CNTN3: variants seen among roughly 807,000 people sequenced by gnomAD.
CNTN3 encodes the protein contactin-3.
CNTN3 carries 60 observed loss-of-function variants against 119.1 expected under a neutral mutation model. The ratio of observed to expected loss-of-function variants is 0.50; its 90% CI spans 0.41 to 0.62. The LOEUF is 0.62. Among genes scored for constraint, CNTN3 ranks in the 20% least tolerant of loss-of-function variants. The probability of loss-of-function intolerance (pLI) is 0.00; values close to 1 mark genes in which losing one functional copy is unlikely to be tolerated. For missense variants in CNTN3, 1,101 were observed against 1,242.4 expected (o/e 0.89, Z 1.71); for synonymous variants, 450 against 438.7 (o/e 1.03, Z -0.32).
intron 20 of CNTN3, among the ~76,000 whole-genome samples, chr3:74,276,509 T>A (rs1701882812): frequency 6.6e-6 from 1 of 151,864 alleles, no homozygotes; most frequent in African/African-American, 2.4e-5. Context: ...TGCAAATACA[T>A]GAAAAGTAAC....
intron 5 of CNTN3, among the ~76,000 whole-genome samples, chr3:74,404,408 T>C (rs1439276449): frequency 6.6e-6 from 1 of 152,134 alleles, no homozygotes; most frequent in Non-Finnish European, 1.5e-5. Flanking sequence ...TCTGTTACTC[T>C]GGTTTATCTA....
chr3:74,358,800 C>T (rs1218282057), intron 11 of CNTN3, among the ~76,000 whole-genome samples: 6 of 136,524 alleles, frequency 4.4e-5, no homozygotes, highest in African/African-American at 8.3e-5. Context: ...GTGATATTCC[C>T]CTTTCTGTGT....
rs1461514046 is a variant in CNTN3, at chr3:74,614,453, G to GCCGCCA, written c.-144_-143insTGGCGG. 7.0e-5 allele frequency among the ~76,000 whole-genome samples: 10 copies of GCCGCCA among 142,642 alleles called. No individual in the cohort carries two copies. The highest frequency in any genetic ancestry group is 1.4e-4 in the Non-Finnish European group (9 of 65,358). The allele number at this position is 142,642 out of a possible 152,430, so 93.6% of individuals were successfully genotyped here. A position where few individuals can be genotyped will look rare whatever the true frequency, so the allele number is the denominator to read the frequency against. On this transcript the variant is annotated 5_prime_UTR_variant, in exon 1 of 23. Transcript: ENST00000263665. ...CCCACTCGCCGCCGCCGCCGCCGCCGCCGCCGCCGCCACCGCCGCCGCCGC... is the reference window on the plus strand; with the variant it reads ...CCCACTCGCCGCCGCCGCCGCCGCCGCCGCCACCGCCGCCGCCACCGCCGCCGCCGC...
chr3:74,601,176 G>T (rs1208003204), intron 1 of CNTN3, among the ~76,000 whole-genome samples: 1 of 151,926 alleles, frequency 6.6e-6, no homozygotes, highest in Non-Finnish European at 1.5e-5. Context: ...TTTGCTAAGG[G>T]CCTGGCCTTA....
At chr3:74,460,772 C>T (rs1476545546) in intron 4 of CNTN3, among the ~76,000 whole-genome samples, 8 of 89,488 alleles carry the variant, frequency 8.9e-5, no homozygotes, top group South Asian at 9.8e-4. Flanking sequence ...TTCTTATTTT[C>T]ATATATATAT....
intron 13 of CNTN3, among the ~76,000 whole-genome samples, chr3:74,333,485 C>T (rs1257758689): frequency 2.0e-5 from 3 of 152,190 alleles, no homozygotes; most frequent in Non-Finnish European, 2.9e-5. Context: ...GGCCTTCATC[C>T]TAATTGGTCC....
chr3:74,371,058 G>A (rs1704325023), intron 6 of CNTN3, 138 bp downstream of exon 6: 1 of 639,692 alleles, frequency 1.6e-6, no homozygotes, highest in South Asian at 1.9e-5. Flanking sequence ...TTTTGTCATT[G>A]TACTCATAAA....
chr3:74,390,251 A>C (rs892326289), intron 5 of CNTN3, among the ~76,000 whole-genome samples: 1 of 152,164 alleles, frequency 6.6e-6, no homozygotes, highest in African/African-American at 2.4e-5. Context: ...CCTGGGTGGG[A>C]CTGAGGCCCG....
At chr3:74,570,238 G>A (rs1704291670) in intron 1 of CNTN3, among the ~76,000 whole-genome samples, 1 of 151,890 alleles carries the variant, frequency 6.6e-6, no homozygotes, top group Non-Finnish European at 1.5e-5. Context: ...GGAATCCTGG[G>A]GGCCATCTTA....
intron 1 of CNTN3, among the ~76,000 whole-genome samples, chr3:74,570,197 C>G (rs187119145): frequency 3.4e-4 from 51 of 151,936 alleles, no homozygotes; most frequent in Non-Finnish European, 2.9e-5. Flanking sequence ...CAAGTAGGTA[C>G]TACAAGACAT....
chr3:74,298,400 T>C (rs1702384925), intron 17 of CNTN3, among the ~76,000 whole-genome samples: 2 of 152,306 alleles, frequency 1.3e-5, no homozygotes, highest in South Asian at 4.1e-4. Context: ...TTCATAGCCA[T>C]CCAGATAATG....
rs369275727 is a variant in CNTN3 at position 74,451,285 on chromosome 3, T to C, written c.359-26345A>G. On this transcript the variant is annotated intron_variant, in intron 4 of 22. Coordinates refer to ENST00000263665, the MANE Select transcript of CNTN3 (RefSeq NM_020872.3). Reference sequence around the variant, plus strand: ...GCCAGTGATGGTGAGCATTTTTTCATGTGTTTTTTGGCTGCATAAATGTCT... The same window carrying C: ...GCCAGTGATGGTGAGCATTTTTTCACGTGTTTTTTGGCTGCATAAATGTCT... Among the ~76,000 whole-genome samples, 26 of 152,334 alleles carry C rather than the reference T, an allele frequency of 1.7e-4. No homozygotes were observed. In the East Asian group the frequency reaches 4.6e-3, roughly 27 times the overall value.
intron 1 of CNTN3, among the ~76,000 whole-genome samples, chr3:74,548,380 C>A (rs1379263075): frequency 6.6e-6 from 1 of 151,982 alleles, no homozygotes; most frequent in East Asian, 1.9e-4. Context: ...TCTATTTTAT[C>A]TACATATTAA....
chr3:74,574,334 A>G (rs1704380639), intron 1 of CNTN3, among the ~76,000 whole-genome samples: 1 of 152,164 alleles, frequency 6.6e-6, no homozygotes, highest in Admixed American at 6.5e-5. Flanking sequence ...GGTTTCTTTT[A>G]GAGTGATGAA....
At chr3:74,460,484 G>A (rs369125214) in intron 4 of CNTN3, among the ~76,000 whole-genome samples, 1 of 151,678 alleles carries the variant, frequency 6.6e-6, no homozygotes, top group Non-Finnish European at 1.5e-5. Flanking sequence ...ACAATGTTCA[G>A]CATAAAGATC....
intron 13 of CNTN3, among the ~76,000 whole-genome samples, chr3:74,312,490 C>T (rs1286058954): frequency 4.7e-5 from 7 of 148,086 alleles, no homozygotes; most frequent in South Asian, 4.4e-4. Flanking sequence ...AATGCTCTGC[C>T]CTCAGCAGCT....
chr3:74,310,524 T>C (rs905462460), intron 13 of CNTN3, among the ~76,000 whole-genome samples: 1 of 152,176 alleles, frequency 6.6e-6, no homozygotes, highest in African/African-American at 2.4e-5. Flanking sequence ...GCAGGACCAG[T>C]GGGCTGGGAC....
chr3:74,588,771 G>C (rs1704645075), intron 1 of CNTN3, among the ~76,000 whole-genome samples: 1 of 152,088 alleles, frequency 6.6e-6, no homozygotes, highest in Admixed American at 6.6e-5. Context: ...CAGATCAATG[G>C]AACAGAACAG....
chr3:74,292,152 T>G (rs1399870312), intron 19 of CNTN3, among the ~76,000 whole-genome samples: 1 of 152,136 alleles, frequency 6.6e-6, no homozygotes, highest in African/African-American at 2.4e-5. Context: ...ATCCCTTGAG[T>G]TAAGGGAGAT....
Sources: allele counts gnomAD v4.1 joint callset (sites outside exome capture counted in the v4.1 genomes callset), GRCh38; gene constraint gnomAD v4.1.1; transcripts MANE v1.5; gene names NCBI Gene and HGNC (gene_info 2026-07-23, HGNC 2026-07-21).